The following PDE4B variants were observed in gnomAD, a reference collection of about 807,000 sequenced individuals.
PDE4B encodes 3',5'-cyclic-AMP phosphodiesterase 4B.
In PDE4B, 20 loss-of-function variants were observed where a neutral mutation model predicts 82.2. The ratio of observed to expected loss-of-function variants is 0.24; its 90% confidence interval spans 0.17 to 0.35. PDE4B has a LOEUF of 0.35. Ranked by LOEUF, PDE4B falls within the 10% of genes least tolerant of loss-of-function variation. PDE4B has a pLI of 1.00. For synonymous variants in PDE4B, 320 were observed against 318.9 expected (o/e 1.00, Z -0.04); for missense variants, 655 against 907.2 (o/e 0.72, Z 3.57).
intron 13 of PDE4B, among the ~76,000 whole-genome samples, chr1:66,366,924 A>G (rs1663296631): frequency 6.6e-6 from 1 of 152,246 alleles, no homozygotes; most frequent in Non-Finnish European, 1.5e-5. Flanking sequence ...GTAATTAAGT[A>G]ACACATTACC....
chr1:66,157,183 A>T (rs1477976692), intron 3 of PDE4B, among the ~76,000 whole-genome samples: 1 of 152,156 alleles, frequency 6.6e-6, no homozygotes, highest in Non-Finnish European at 1.5e-5. Context: ...TGTAGATGTC[A>T]TCCCTAAGTC....
At chr1:66,204,594 A>T (rs1649378973) in intron 3 of PDE4B, among the ~76,000 whole-genome samples, 1 of 152,190 alleles carries the variant, frequency 6.6e-6, no homozygotes, top group African/African-American at 2.4e-5. Flanking sequence ...GTCTGATCTC[A>T]GACTGCTGTG....
At chr1:66,146,638 A>C (rs1646279221) in intron 3 of PDE4B, among the ~76,000 whole-genome samples, 1 of 152,126 alleles carries the variant, frequency 6.6e-6, no homozygotes, top group Non-Finnish European at 1.5e-5. Context: ...ACAGAGTCAG[A>C]CCTCACAACT....
chr1:65,884,426 A>T (rs1185552206), intron 1 of PDE4B, among the ~76,000 whole-genome samples: 1 of 152,154 alleles, frequency 6.6e-6, no homozygotes, highest in African/African-American at 2.4e-5. Context: ...AAAAGAACAA[A>T]GCTGGAGGCA....
chr1:66,097,549 C>T (rs1645141123), intron 3 of PDE4B, among the ~76,000 whole-genome samples: 1 of 151,802 alleles, frequency 6.6e-6, no homozygotes, highest in Non-Finnish European at 1.5e-5. Context: ...TTTTTTTCTG[C>T]AGTGTTTAAT....
intron 3 of PDE4B, among the ~76,000 whole-genome samples, chr1:66,171,984 G>A (rs913770419): frequency 6.6e-6 from 1 of 152,152 alleles, no homozygotes; most frequent in Non-Finnish European, 1.5e-5. Context: ...GATTCAGGGA[G>A]TATATGTGCA....
At chr1:66,309,506 G>A (rs368001917) in intron 7 of PDE4B, among the ~76,000 whole-genome samples, 10 of 152,254 alleles carry the variant, frequency 6.6e-5, no homozygotes, top group Non-Finnish European at 1.2e-4. Flanking sequence ...TCTTACTTGC[G>A]GTAAATCCTT....
chr1:65,996,078 T>A (rs1408996507), intron 3 of PDE4B, among the ~76,000 whole-genome samples: 1 of 152,130 alleles, frequency 6.6e-6, no homozygotes, highest in African/African-American at 2.4e-5. Flanking sequence ...CTGGGGGAAA[T>A]GTGGATATTC....
In PDE4B at chr1:66,203,813, G is replaced by A. The variant is rs200562838; in HGVS notation, c.282-43647G>A. Among the ~76,000 whole-genome samples the A allele has an allele frequency of 5.5e-3, 831 of 152,216 alleles. 4 individuals carry two copies. Among genetic ancestry groups the A allele is most frequent in the Middle Eastern group, 0.02 (6 of 294 alleles). Reference sequence around the variant, plus strand: ...TTTGAATTTCCTCCTTTAGCTTGGAGTAGTTTGATCATCTGAAGCCTTCTT... The same window carrying A: ...TTTGAATTTCCTCCTTTAGCTTGGAATAGTTTGATCATCTGAAGCCTTCTT... On this transcript the variant is annotated intron_variant, in intron 3 of 16. Transcript: ENST00000341517.
Position 66,325,187 on chromosome 1 carries a change from C to T in PDE4B, c.635-7321C>T, listed in dbSNP as rs542087961. Among the ~76,000 whole-genome samples the T allele has an allele frequency of 1.8e-4, 27 of 152,250 alleles. No homozygotes were observed. The South Asian group carries it at 4.6e-3, about 26-fold the overall frequency. ...TGTAGAGCCATAGGAGCAACCCAAA[C>T]GTAAGACATCTACAGGGCTAGAAGC... On this transcript the variant is annotated intron_variant, in intron 7 of 16. Transcript: ENST00000341517.
Position 65,792,974 on chromosome 1 carries a change from G to C in PDE4B, c.-345G>C, listed in dbSNP as rs568275223. Among the ~76,000 whole-genome samples the C allele has an allele frequency of 6.6e-6, 1 of 151,746 alleles. No homozygotes were observed. The highest frequency in any genetic ancestry group is 2.1e-4 in the South Asian group (1 of 4,818). On this transcript the variant is annotated 5_prime_UTR_variant, in exon 1 of 17. Transcript: ENST00000341517. ...GCGGGTTCCCCAGGCTAGCCCGCTG[G>C]CCCGTCCGCGCGCGCGCCCCCGGCC...
At position 66,247,529 on chromosome 1, in the gene PDE4B, G is replaced by A; in HGVS notation, c.351G>A (p.Gly117=). The change falls in exon 4 of 17, where the codon GGG becomes GGA. Residue 117 remains glycine (G), a synonymous_variant. Transcript: ENST00000341517. ...PLDPQASSSA[G]LVLHATFPGH... ...ATCCCCAGGCCAGCTCTTCCGCTGG[G>A]CTGGTACTTCACGCCACCTTTCCTG... The A allele has an allele frequency of 1.2e-6, 2 of 1,612,702 alleles. No individual in the cohort carries two copies. Among genetic ancestry groups the A allele is most frequent in the Admixed American group, 1.7e-5 (1 of 59,834 alleles).
At chr1:65,863,356 G>C (rs578031201) in intron 1 of PDE4B, among the ~76,000 whole-genome samples, 1 of 152,282 alleles carries the variant, frequency 6.6e-6, no homozygotes, top group African/African-American at 2.4e-5. Flanking sequence ...TGATGGCACT[G>C]TGGTCTGAGA....
At chr1:65,880,187 G>A (rs2100338943) in intron 1 of PDE4B, among the ~76,000 whole-genome samples, 1 of 152,278 alleles carries the variant, frequency 6.6e-6, no homozygotes, top group South Asian at 2.1e-4. Context: ...CTGGTCAAGA[G>A]CAGTCTCCAG....
At chr1:66,154,778 G>A (rs192990195) in intron 3 of PDE4B, among the ~76,000 whole-genome samples, 12 of 152,250 alleles carry the variant, frequency 7.9e-5, no homozygotes, top group Admixed American at 7.2e-4. Flanking sequence ...CTACACCTTT[G>A]CCTTTGCTCA....
At chr1:66,071,010 ACT>A (rs982965459) in intron 3 of PDE4B, among the ~76,000 whole-genome samples, 4 of 152,032 alleles carry the variant, frequency 2.6e-5, no homozygotes, top group South Asian at 2.1e-4. Context: ...TTTAAAATTT[ACT>A]CTTTCTTCAG....
chr1:66,336,924 G>A (rs1340815904), intron 8 of PDE4B, among the ~76,000 whole-genome samples: 2 of 152,180 alleles, frequency 1.3e-5, no homozygotes, highest in Non-Finnish European at 2.9e-5. Context: ...ACCAGGCCCC[G>A]AGCCAGCTGG....
intron 3 of PDE4B, among the ~76,000 whole-genome samples, chr1:66,203,211 A>G (rs1179911542): frequency 6.6e-6 from 1 of 152,118 alleles, no homozygotes; most frequent in Non-Finnish European, 1.5e-5. Context: ...TTCTGCCGAG[A>G]GATCTGCTGT....
chr1:66,274,347 A>G (rs1190086636), intron 7 of PDE4B, among the ~76,000 whole-genome samples: 1 of 148,054 alleles, frequency 6.8e-6, no homozygotes, highest in Non-Finnish European at 1.5e-5. Context: ...TTTTTTATAT[A>G]TTTTTAGTAG....
Sources: allele counts gnomAD v4.1 joint callset (sites outside exome capture counted in the v4.1 genomes callset), GRCh38; gene constraint gnomAD v4.1.1; transcripts MANE v1.5; gene names NCBI Gene and HGNC (gene_info 2026-07-23, HGNC 2026-07-21).